Variants in SPDYE21 observed in about 807,000 individuals in gnomAD.
The protein encoded by SPDYE21 is speedy/RINGO cell cycle regulator family member E21, also known as speedy protein E21.
In SPDYE21, 14 loss-of-function variants were observed where a neutral mutation model predicts 36.2. That is an observed-to-expected ratio of 0.39 (90% CI 0.26 to 0.61). The LOEUF (loss-of-function observed/expected upper bound fraction) is 0.61. Among genes scored for constraint, SPDYE21 ranks in the 20% least tolerant of loss-of-function variants. SPDYE21 has a pLI of 0.55. For missense variants in SPDYE21, 233 were observed against 424.6 expected, an observed-to-expected ratio of 0.55 and a Z score of 3.97; for synonymous variants, 58 against 155.1, an observed-to-expected ratio of 0.37 and a Z score of 4.65.
chr7:67,286,500 A>G (rs1310698555), intron 7 of SPDYE21, among the ~76,000 whole-genome samples, 60 bp from the exon 8 acceptor site: 1 of 151,702 alleles, frequency 6.6e-6, no homozygotes, highest in Non-Finnish European at 1.5e-5. Context: ...AGGCTGGATG[A>G]GGGGAGAGAG....
In SPDYE21 at chr7:67,286,808, T is replaced by G. The variant is rs542315145; in HGVS notation, c.*45+144T>G. On this transcript the variant is annotated intron_variant, in intron 8 of 8. Coordinates refer to ENST00000424157, the MANE Select transcript of SPDYE21 (RefSeq NM_001382715.2). ...AAAAATACAAAAATTAGCCAGGCGATGTGGGACGCATCTCTACTCCCAACT... is the reference window on the plus strand; with the variant it reads ...AAAAATACAAAAATTAGCCAGGCGAGGTGGGACGCATCTCTACTCCCAACT... Among the ~76,000 whole-genome samples, 5 of 152,240 alleles carry G rather than the reference T, an allele frequency of 3.3e-5. No individual in the cohort carries two copies. The South Asian group carries it at 1.0e-3, about 32-fold the overall frequency.
rs1290322175 is a variant in SPDYE21 at position 67,288,017 on chromosome 7, AT to A, written c.*548del. On this transcript the variant is annotated 3_prime_UTR_variant, in exon 9 of 9. Coordinates refer to ENST00000424157, the MANE Select transcript of SPDYE21 (RefSeq NM_001382715.2). ...TGGCCATTGAATTATTCATAGATTT[AT>A]TTCAAATAGTTTGGAAATTGTTGTA... 2.0e-5 allele frequency among the ~76,000 whole-genome samples: 3 copies of A among 151,362 alleles called. No homozygotes were observed. The highest frequency in any genetic ancestry group is 4.4e-5 in the Non-Finnish European group (3 of 67,826).
chr7:67,277,210 A>G (rs1332449741), intron 1 of SPDYE21, among the ~76,000 whole-genome samples, 148 bp downstream of exon 1: 1 of 152,062 alleles, frequency 6.6e-6, no homozygotes, highest in African/African-American at 2.4e-5. Context: ...ACAGGCATCC[A>G]CCATGCCTGG....
intron 6 of SPDYE21, among the ~76,000 whole-genome samples, chr7:67,284,423 T>C (rs1424956296): frequency 8.3e-6 from 1 of 120,056 alleles, no homozygotes; most frequent in Non-Finnish European, 1.6e-5. Context: ...CACTCCAGCC[T>C]GGGTGACAGA....
intron 3 of SPDYE21, among the ~76,000 whole-genome samples, chr7:67,280,729 A>AAAAAG (rs1802617392): frequency 8.2e-6 from 1 of 121,996 alleles, no homozygotes; most frequent in Non-Finnish European, 1.7e-5. Context: ...AAAAAAAAAA[A>AAAAAG]GAAGGAAGGA....
At chr7:67,282,578 T>G (rs1802658563) in intron 4 of SPDYE21, 57 bp from the exon 5 acceptor site, 1 of 1,596,236 alleles carries the variant, frequency 6.3e-7, no homozygotes, top group Admixed American at 1.7e-5. Flanking sequence ...GCTGCCCTGC[T>G]GCTCCCACGG....
chr7:67,280,454 T>C (rs1320534389), intron 3 of SPDYE21, among the ~76,000 whole-genome samples: 2 of 151,820 alleles, frequency 1.3e-5, no homozygotes, highest in African/African-American at 4.8e-5. Flanking sequence ...GTAATCCCGT[T>C]ACTTTGGGAG....
intron 6 of SPDYE21, among the ~76,000 whole-genome samples, chr7:67,285,151 T>C (rs1584749275): frequency 6.6e-6 from 1 of 151,914 alleles, no homozygotes; most frequent in Admixed American, 6.6e-5. Flanking sequence ...TCTGCCTTGA[T>C]TACTCCCAGT....
chr7:67,285,006 C>T (rs3980855), intron 6 of SPDYE21, among the ~76,000 whole-genome samples: 1 of 151,936 alleles, frequency 6.6e-6, no homozygotes, highest in Non-Finnish European at 1.5e-5. Flanking sequence ...GTGTCCCGCA[C>T]ACATGTGGCT....
intron 6 of SPDYE21, among the ~76,000 whole-genome samples, chr7:67,285,677 A>C (rs1343915035): frequency 6.6e-6 from 1 of 152,250 alleles, no homozygotes; most frequent in Non-Finnish European, 1.5e-5. Context: ...GGCATGAGCC[A>C]CTGCGTCTGG....
chr7:67,282,621 C>A lies in SPDYE21; in HGVS notation c.611-14C>A. On this transcript the variant is annotated splice_polypyrimidine_tract_variant and intron_variant, in intron 4 of 8. Coordinates refer to ENST00000424157, the MANE Select transcript of SPDYE21 (RefSeq NM_001382715.2). ...GTCCTGCTTCTCACACTGACATCTG[C>A]TCTCTAATCACAGAGGATCCTGTCA... 4 of 1,573,484 alleles carry A rather than the reference C, an allele frequency of 2.5e-6. No individual in the cohort carries two copies. The highest frequency in any genetic ancestry group is 2.2e-5 in the East Asian group (1 of 44,448).
At chr7:67,281,193 T>G in intron 3 of SPDYE21, among the ~76,000 whole-genome samples, 181 bp from the exon 4 acceptor site, 3 of 121,402 alleles carry the variant, frequency 2.5e-5, no homozygotes, top group African/African-American at 3.2e-5. Flanking sequence ...AACGGGAGAA[T>G]GGGGAGGAGA....
intron 4 of SPDYE21, 108 bp from the exon 5 acceptor site, chr7:67,282,527 G>A (rs568829927): frequency 2.2e-4 from 309 of 1,436,098 alleles, no homozygotes; most frequent in Middle Eastern, 4.9e-4. Flanking sequence ...CCTCACCCGC[G>A]GCCACAATCC....
rs1252950452 is a variant in SPDYE21, at chr7:67,288,950, G to A, written c.*1478G>A. On this transcript the variant is annotated 3_prime_UTR_variant, in exon 9 of 9. Transcript: ENST00000424157. ...TGTTTTCAAGAGAACAATAGAGTGC[G>A]TCTCTTGGGGAAACATAATAAAAAT... Among the ~76,000 whole-genome samples, 6 of 145,922 alleles carry A rather than the reference G, an allele frequency of 4.1e-5. 1 individual carries two copies. The highest frequency in any genetic ancestry group is 1.4e-4 in the Admixed American group (2 of 14,392).
intron 6 of SPDYE21, among the ~76,000 whole-genome samples, chr7:67,285,251 T>G (rs1285024352): frequency 2.0e-5 from 3 of 152,238 alleles, no homozygotes; most frequent in African/African-American, 7.2e-5. Flanking sequence ...AGACTTGCCC[T>G]GTCCCCCAAG....
In SPDYE21 at chr7:67,288,599, C is replaced by T. The variant is rs1186791539; in HGVS notation, c.*1127C>T. Among the ~76,000 whole-genome samples the T allele has an allele frequency of 6.7e-6, 1 of 149,026 alleles. No homozygotes were observed. Among genetic ancestry groups the T allele is most frequent in the Non-Finnish European group, 1.5e-5 (1 of 67,412 alleles). On this transcript the variant is annotated 3_prime_UTR_variant, in exon 9 of 9. Coordinates refer to ENST00000424157, the MANE Select transcript of SPDYE21 (RefSeq NM_001382715.2). ...TAAAGCTGTGTGATGGGTATTATAA[C>T]TGTTATATACACATACATATAATTT...
chr7:67,286,109 A>G lies in SPDYE21; in HGVS notation c.821A>G (p.Tyr274Cys), dbSNP rs550101217. 68 of 1,613,924 alleles carry G rather than the reference A, an allele frequency of 4.2e-5. 1 individual carries two copies. The highest frequency in any genetic ancestry group is 2.0e-4 in the South Asian group (18 of 91,064). Residue 274 changes from tyrosine to cysteine, a missense_variant, in exon 7 of 9, where the codon TAT becomes TGT. Physicochemically the swap from Tyr to Cys is radical, Grantham distance 194 (BLOSUM62 -2). Transcript: ENST00000424157. ...DSKQNIFHFL[Y>C]GKTRSRIPLL... The stretch of plus-strand genomic sequence containing the variant: ...AAACAAAACATCTTCCACTTCCTGT[A>G]TGGGAAGACCCGCTCTCGCATACCC...
Position 67,283,987 on chromosome 7 carries a change from C to T in SPDYE21, c.744C>T (p.Phe248=). 1 of 1,586,284 alleles carries T rather than the reference C, an allele frequency of 6.3e-7. No homozygotes were observed. The highest frequency in any genetic ancestry group is 1.1e-5 in the South Asian group (1 of 90,404). The change falls in exon 6 of 9, where the codon TTC becomes TTT. Residue 248 remains phenylalanine, a synonymous_variant. Coordinates refer to ENST00000424157, the MANE Select transcript of SPDYE21 (RefSeq NM_001382715.2). ...CCTGGCAATACCAACGCATTCATTT[C>T]TTCCTGGCTCTGTGAGTGGTTTGCT... ...LPSWQYQRIH[F]FLALYLANDM... is the part of the protein sequence containing the mutation.
At chr7:67,278,913 C>CT (rs1243095362) in intron 2 of SPDYE21, among the ~76,000 whole-genome samples, 40 bp downstream of exon 2, 1 of 151,180 alleles carries the variant, frequency 6.6e-6, no homozygotes, top group Admixed American at 6.6e-5. Context: ...ATAGGATTGA[C>CT]TAAGACGAAG....
Sources: allele counts gnomAD v4.1 joint callset (sites outside exome capture counted in the v4.1 genomes callset), GRCh38; gene constraint gnomAD v4.1.1; transcripts MANE v1.5; gene names NCBI Gene and HGNC (gene_info 2026-07-23, HGNC 2026-07-21).